KXD1: variants seen among roughly 807,000 people sequenced by gnomAD.
The protein encoded by KXD1 is KxDL motif containing 1.
In KXD1, 5 loss-of-function variants were observed where a neutral mutation model predicts 12.1. The observed-to-expected ratio is 0.41, with a 90% confidence interval of 0.22 to 0.87. The LOEUF (loss-of-function observed/expected upper bound fraction) is 0.87. Ranked by LOEUF, KXD1 falls within the 40% of genes least tolerant of loss-of-function variation. The probability of loss-of-function intolerance (pLI) is 0.31; values close to 1 mark genes in which losing one functional copy is unlikely to be tolerated. For missense variants in KXD1, 193 were observed against 244.9 expected, an observed-to-expected ratio of 0.79 and a Z score of 1.41; for synonymous variants, 98 against 100.5, an observed-to-expected ratio of 0.98 and a Z score of 0.15.
rs541987202 is a variant in KXD1, at chr19:18,565,774, G to A, written c.254+753G>A. ...GCAATGTCAGCTCACTGCAACCTCC[G>A]CCTCCCAGGTTCAAGCGATTCTCCT... is the stretch of plus-strand genomic sequence containing the variant. On this transcript the variant is annotated intron_variant, in intron 3 of 4. Coordinates refer to ENST00000222307, the MANE Select transcript of KXD1 (RefSeq NM_024069.4). Among the ~76,000 whole-genome samples the A allele has an allele frequency of 3.3e-5, 5 of 152,196 alleles. No homozygotes were observed. In the East Asian group the frequency reaches 7.7e-4, roughly 24 times the overall value.
rs530819755 is a variant in KXD1 at position 18,562,236 on chromosome 19, C to T, written c.101+79C>T. The T allele has an allele frequency of 3.4e-4, 354 of 1,041,914 alleles. 6 individuals carry two copies. In the South Asian group the frequency reaches 4.9e-3, roughly 15 times the overall value. The allele number at this position is 1,041,914 out of a possible 1,614,324, so 64.5% of individuals were successfully genotyped here. On this transcript the variant is annotated intron_variant, in intron 2 of 4. Transcript: ENST00000222307. ...CATTCTTGTCTTGCCCGCCCCTACCCGGGGCCCACACTGGTGATAAAATGA... is the reference window on the plus strand; with the variant it reads ...CATTCTTGTCTTGCCCGCCCCTACCTGGGGCCCACACTGGTGATAAAATGA...
intron 4 of KXD1, 129 bp from the exon 5 acceptor site, chr19:18,568,265 CAAAAAAAA>C (rs397859705): frequency 1.2e-5 from 6 of 501,914 alleles, no homozygotes; most frequent in Admixed American, 3.9e-5. Context: ...AACTCCGTCT[CAAAAAAAA>C]AAAAAAAAAA....
chr19:18,565,497 G>T (rs994443321), intron 3 of KXD1, among the ~76,000 whole-genome samples: 1 of 152,050 alleles, frequency 6.6e-6, no homozygotes, highest in Non-Finnish European at 1.5e-5. Context: ...CTCCCAAAGT[G>T]CTGGGATTAC....
At chr19:18,567,295 T>G (rs1488005255) in intron 4 of KXD1, 117 bp downstream of exon 4, 1 of 1,087,436 alleles carries the variant, frequency 9.2e-7, no homozygotes, top group Non-Finnish European at 1.4e-6. Flanking sequence ...GGGCAGTGGG[T>G]CTGGGGAAAC....
intron 1 of KXD1, among the ~76,000 whole-genome samples, chr19:18,560,985 G>C (rs538993400): frequency 1.3e-5 from 2 of 152,206 alleles, no homozygotes; most frequent in East Asian, 3.9e-4. Flanking sequence ...GATTACAGGC[G>C]TGAGCCACAG....
chr19:18,558,712 A>G (rs1164233375), intron 1 of KXD1: 1 of 152,184 alleles, frequency 6.6e-6, no homozygotes, highest in Admixed American at 6.5e-5. Flanking sequence ...GCGTTTCTTC[A>G]ATAAATCTAC....
At chr19:18,565,186 T>C in intron 3 of KXD1, 165 bp downstream of exon 3, 2 of 1,413,126 alleles carry the variant, frequency 1.4e-6, no homozygotes, top group Non-Finnish European at 1.8e-6. Context: ...GGATAAAATC[T>C]TGACGTAAGT....
At chr19:18,567,051 G>T in intron 3 of KXD1, 81 bp from the exon 4 acceptor site, 1 of 1,340,036 alleles carries the variant, frequency 7.5e-7, no homozygotes, top group Non-Finnish European at 1.1e-6. Flanking sequence ...CCCTCAGCTG[G>T]CAGCAGGGGC....
intron 3 of KXD1, among the ~76,000 whole-genome samples, chr19:18,566,622 C>T (rs1307604342): frequency 6.6e-6 from 1 of 151,658 alleles, no homozygotes; most frequent in Non-Finnish European, 1.5e-5. Context: ...GAAATCCCGT[C>T]TCTACTAAAA....
At chr19:18,560,793 G>A (rs1015936084) in intron 1 of KXD1, among the ~76,000 whole-genome samples, 14 of 151,618 alleles carry the variant, frequency 9.2e-5, no homozygotes, top group African/African-American at 3.4e-4. Flanking sequence ...CACAACCTCC[G>A]CCTCCTGGGT....
intron 2 of KXD1, among the ~76,000 whole-genome samples, chr19:18,563,476 G>T (rs190194181): frequency 6.6e-6 from 1 of 151,728 alleles, no homozygotes; most frequent in Non-Finnish European, 1.5e-5. Flanking sequence ...CTCCTGAGTC[G>T]CTGGGATTAT....
At chr19:18,562,007 G>T (rs1312434546) in intron 1 of KXD1, 29 bp from the exon 2 acceptor site, 1 of 1,505,524 alleles carries the variant, frequency 6.6e-7, no homozygotes, top group African/African-American at 1.4e-5. Context: ...GGTGACTAGT[G>T]CAGACCACTC....
intron 4 of KXD1, among the ~76,000 whole-genome samples, chr19:18,567,470 G>A (rs1468712031): frequency 6.6e-6 from 1 of 152,228 alleles, no homozygotes; most frequent in Non-Finnish European, 1.5e-5. Flanking sequence ...TCTCAGAACA[G>A]AGCACGGGCT....
intron 2 of KXD1, among the ~76,000 whole-genome samples, chr19:18,564,289 G>C (rs957118842): frequency 1.3e-5 from 2 of 152,128 alleles, no homozygotes; most frequent in Non-Finnish European, 2.9e-5. Context: ...TGGTGTCAGG[G>C]CTGGGCCAGA....
intron 3 of KXD1, among the ~76,000 whole-genome samples, 182 bp from the exon 4 acceptor site, chr19:18,566,950 T>G (rs887741177): frequency 1.3e-5 from 2 of 152,134 alleles, no homozygotes; most frequent in Non-Finnish European, 2.9e-5. Flanking sequence ...TGGGCGACTG[T>G]CAGGGCCGTG....
chr19:18,565,283 G>T (rs192289314), intron 3 of KXD1: 24 of 923,854 alleles, frequency 2.6e-5, no homozygotes, highest in Admixed American at 3.5e-5. Flanking sequence ...AGGCTGGAGT[G>T]CAGTGGCGCG....
rs140334079 is a variant in KXD1 at position 18,568,106 on chromosome 19, A to G, written c.302-296A>G. ...AACATAGAGAAACCCCGTCTCTAGT[A>G]AAAATACAAAATTAGATGGGCGTGA... On this transcript the variant is annotated intron_variant, in intron 4 of 4. Coordinates refer to ENST00000222307, the MANE Select transcript of KXD1 (RefSeq NM_024069.4). Among the ~76,000 whole-genome samples, 968 of 152,198 alleles carry G rather than the reference A, an allele frequency of 6.4e-3. 12 individuals carry two copies. The highest frequency in any genetic ancestry group is 0.023 in the African/African-American group (937 of 41,504).
Position 18,568,933 on chromosome 19 carries a change from C to A in KXD1, c.*302C>A. 2.3e-6 allele frequency: 1 copy of A among 425,636 alleles called. No homozygotes were observed. The highest frequency in any genetic ancestry group is 2.7e-5 in the South Asian group (1 of 36,876). The allele number at this position is 425,636 out of a possible 1,614,324, so 26.4% of individuals were successfully genotyped here. A position where few individuals can be genotyped will look rare whatever the true frequency, so the allele number is the denominator to read the frequency against. On this transcript the variant is annotated 3_prime_UTR_variant, in exon 5 of 5. Coordinates refer to ENST00000222307, the MANE Select transcript of KXD1 (RefSeq NM_024069.4). ...GGAATTTTTCCAGAGCTGAGCCTGA[C>A]GTCTGCTCTGAAGAATGCTTAGAAG...
chr19:18,562,038 A>G lies in KXD1; in HGVS notation c.-19A>G, dbSNP rs748570756. The G allele has an allele frequency of 6.2e-7, 1 of 1,604,138 alleles. No homozygotes were observed. The highest frequency in any genetic ancestry group is 8.5e-7 in the Non-Finnish European group (1 of 1,173,098). On this transcript the variant is annotated splice_region_variant and 5_prime_UTR_variant, in exon 2 of 5. Coordinates refer to ENST00000222307, the MANE Select transcript of KXD1 (RefSeq NM_024069.4). ...CACTCTGTTCTTGCCTGTTTCAGGCAGCGGAGGAGGAGAAAGAGATGGACC... is the reference window on the plus strand; with the variant it reads ...CACTCTGTTCTTGCCTGTTTCAGGCGGCGGAGGAGGAGAAAGAGATGGACC...
Sources: allele counts gnomAD v4.1 joint callset (sites outside exome capture counted in the v4.1 genomes callset), GRCh38; gene constraint gnomAD v4.1.1; transcripts MANE v1.5; gene names NCBI Gene and HGNC (gene_info 2026-07-23, HGNC 2026-07-21).